The following MDGA2 variants were observed in gnomAD, a reference collection of about 807,000 sequenced individuals.
The protein encoded by MDGA2 is MAM domain containing glycosylphosphatidylinositol anchor 2.
Under a neutral mutation model 117.8 loss-of-function variants are expected in MDGA2, and 40 were observed. That is an observed-to-expected ratio of 0.34 (90% CI 0.26 to 0.44). MDGA2 has a LOEUF of 0.44. MDGA2 is among the 20% of genes least tolerant of loss of function. The pLI, the probability that MDGA2 is intolerant of heterozygous loss-of-function variation, is 1.00. For missense variants in MDGA2, 1,123 were observed against 1,250.6 expected (o/e 0.90, Z 1.54); for synonymous variants, 452 against 439.0 (o/e 1.03, Z -0.37).
chr14:47,101,931 T>A lies in MDGA2; in HGVS notation c.926-4808A>T, dbSNP rs140441084. ...ATTATAGTGATTCAGTTCCTCATGA[T>A]GTCTTCTTGGTGTGTGACACAAATA... On this transcript the variant is annotated intron_variant, in intron 5 of 16. Coordinates refer to ENST00000399232, the MANE Select transcript of MDGA2 (RefSeq NM_001113498.3). 1.6e-3 allele frequency among the ~76,000 whole-genome samples: 250 copies of A among 152,334 alleles called. 1 individual carries two copies. The highest frequency in any genetic ancestry group is 2.9e-3 in the Non-Finnish European group (197 of 68,028).
intron 2 of MDGA2, among the ~76,000 whole-genome samples, chr14:47,242,323 C>A (rs1288352053): frequency 6.6e-6 from 1 of 151,972 alleles, no homozygotes; most frequent in Non-Finnish European, 1.5e-5. Context: ...ACCTCCCCTG[C>A]CTGGGCTCCC....
At chr14:47,155,158 C>A (rs1019664121) in intron 3 of MDGA2, among the ~76,000 whole-genome samples, 1 of 152,120 alleles carries the variant, frequency 6.6e-6, no homozygotes, top group Non-Finnish European at 1.5e-5. Context: ...AAAGGAGGTA[C>A]CCACTTCAGG....
chr14:47,102,201 A>C (rs1196119494), intron 5 of MDGA2, among the ~76,000 whole-genome samples: 1 of 151,990 alleles, frequency 6.6e-6, no homozygotes, highest in Non-Finnish European at 1.5e-5. Context: ...TTCCATCCAG[A>C]CTCTAAGCAA....
chr14:47,117,946 T>G (rs1455959398), intron 5 of MDGA2, among the ~76,000 whole-genome samples: 1 of 152,210 alleles, frequency 6.6e-6, no homozygotes, highest in Non-Finnish European at 1.5e-5. Flanking sequence ...AAAACCATGT[T>G]TTAAAAAATA....
At chr14:47,486,913 C>T (rs546482011) in intron 1 of MDGA2, among the ~76,000 whole-genome samples, 22 of 152,140 alleles carry the variant, frequency 1.4e-4, no homozygotes, top group East Asian at 1.9e-4. Context: ...TTAGCAGCAG[C>T]GTGAAAAAAG....
intron 1 of MDGA2, among the ~76,000 whole-genome samples, chr14:47,362,431 A>G (rs1372723588): frequency 2.6e-5 from 4 of 152,274 alleles, no homozygotes; most frequent in Non-Finnish European, 5.9e-5. Context: ...TTTAAAATGC[A>G]TGGATTTGCT....
intron 1 of MDGA2, among the ~76,000 whole-genome samples, chr14:47,573,990 C>T (rs1431800302): frequency 1.3e-5 from 2 of 151,868 alleles, no homozygotes; most frequent in Non-Finnish European, 2.9e-5. Flanking sequence ...CATTTTTTGT[C>T]TTTATTCGCT....
intron 1 of MDGA2, among the ~76,000 whole-genome samples, chr14:47,326,464 C>G (rs1325935559): frequency 6.6e-6 from 1 of 151,984 alleles, no homozygotes; most frequent in Non-Finnish European, 1.5e-5. Flanking sequence ...TACTATAGCA[C>G]CCCTCAAATA....
At chr14:46,938,810 T>C (rs537137776) in intron 9 of MDGA2, among the ~76,000 whole-genome samples, 21 of 152,252 alleles carry the variant, frequency 1.4e-4, no homozygotes, top group African/African-American at 5.1e-4. Flanking sequence ...ATACTTACAC[T>C]CGCATATTTA....
intron 1 of MDGA2, among the ~76,000 whole-genome samples, chr14:47,312,693 G>GTTTTTTTTTTTTTT (rs375332903): frequency 9.6e-6 from 1 of 104,364 alleles, no homozygotes; most frequent in Non-Finnish European, 2.0e-5. Flanking sequence ...TTTTTGTTTT[G>GTTTTTTTTTTTTTT]TTTTGTTTTT....
rs1383982307 is a variant in MDGA2 at position 47,597,648 on chromosome 14, C to A, written c.280+76869G>T. Among the ~76,000 whole-genome samples, 3 of 152,044 alleles carry A rather than the reference C, an allele frequency of 2.0e-5. No individual in the cohort carries two copies. In the East Asian group the frequency reaches 5.8e-4, roughly 29 times the overall value. ...ATGACAAGTTTATAGTCATTTGAAT[C>A]ACAATAGACCTTTGCCAAACACCTT... On this transcript the variant is annotated intron_variant, in intron 1 of 16. Transcript: ENST00000399232.
chr14:47,417,709 C>A (rs999329857), intron 1 of MDGA2, among the ~76,000 whole-genome samples: 1 of 151,982 alleles, frequency 6.6e-6, no homozygotes, highest in African/African-American at 2.4e-5. Flanking sequence ...CCTTCTGGTA[C>A]CAATTTTCCT....
chr14:47,185,042 T>A (rs1179945187), intron 3 of MDGA2, among the ~76,000 whole-genome samples: 1 of 151,210 alleles, frequency 6.6e-6, no homozygotes, highest in African/African-American at 2.4e-5. Flanking sequence ...CAAATATGTT[T>A]AACTTGATAA....
At position 47,460,642 on chromosome 14, in the gene MDGA2, C is replaced by G. The variant is rs188699112; in HGVS notation, c.281-159092G>C. Among the ~76,000 whole-genome samples, 40 of 152,156 alleles carry G rather than the reference C, an allele frequency of 2.6e-4. No homozygotes were observed. In the East Asian group the frequency reaches 7.5e-3, roughly 29 times the overall value. ...TTTATACAGTAATATTTTGGCAACTCATGAGGCTCATCCAAGGATGTGTCT... is the reference window on the plus strand; with the variant it reads ...TTTATACAGTAATATTTTGGCAACTGATGAGGCTCATCCAAGGATGTGTCT... On this transcript the variant is annotated intron_variant, in intron 1 of 16. Transcript: ENST00000399232.
rs1041297587 is a variant in MDGA2 at position 47,229,798 on chromosome 14, C to T, written c.421-11603G>A. ...TGTCATTTTTATGTAGGTAAAGATG[C>T]TATAATGACATACCATATATTCCAA... On this transcript the variant is annotated intron_variant, in intron 2 of 16. Coordinates refer to ENST00000399232, the MANE Select transcript of MDGA2 (RefSeq NM_001113498.3). Among the ~76,000 whole-genome samples, 13 of 151,846 alleles carry T rather than the reference C, an allele frequency of 8.6e-5. No individual in the cohort carries two copies. The East Asian group carries it at 1.9e-3, about 23-fold the overall frequency.
rs189000774 is a variant in MDGA2 at position 47,573,545 on chromosome 14, G to A, written c.280+100972C>T. 1.4e-4 allele frequency among the ~76,000 whole-genome samples: 21 copies of A among 152,134 alleles called. No homozygotes were observed. The East Asian group carries it at 2.7e-3, about 20-fold the overall frequency. On this transcript the variant is annotated intron_variant, in intron 1 of 16. Coordinates refer to ENST00000399232, the MANE Select transcript of MDGA2 (RefSeq NM_001113498.3). ...CTAATAGAAAACAAATCTTTCTCAC[G>A]CTCAGTTTCCTTATCTGTGAAATGG...
intron 7 of MDGA2, among the ~76,000 whole-genome samples, chr14:47,035,653 C>G (rs1888820195): frequency 6.6e-6 from 1 of 151,850 alleles, no homozygotes; most frequent in Non-Finnish European, 1.5e-5. Flanking sequence ...TGTGTAGACT[C>G]AGTAGTCACA....
chr14:47,625,188 T>G (rs1035403686), intron 1 of MDGA2, among the ~76,000 whole-genome samples: 1 of 152,130 alleles, frequency 6.6e-6, no homozygotes, highest in African/African-American at 2.4e-5. Flanking sequence ...TTTATTTATC[T>G]TGGAATGCTT....
intron 1 of MDGA2, among the ~76,000 whole-genome samples, chr14:47,360,402 A>AAATAC (rs1339404154): frequency 4.0e-4 from 55 of 136,130 alleles, no homozygotes; most frequent in African/African-American, 1.4e-3. Context: ...AAATAAAATA[A>AAATAC]AAAATTAAAA....
Sources: gnomAD v4.1 joint callset for allele counts (sites outside exome capture counted in the v4.1 genomes callset) on GRCh38, gnomAD v4.1.1 for gene constraint, MANE v1.5 for transcripts, NCBI Gene and HGNC (gene_info 2026-07-23, HGNC 2026-07-21) for gene names.